APPL2: variants seen among roughly 807,000 people sequenced by gnomAD.
The protein encoded by APPL2 is DCC-interacting protein 13-beta.
APPL2 carries 84 observed loss-of-function variants against 92.7 expected under a neutral mutation model. The observed-to-expected ratio is 0.91, with a 90% CI of 0.76 to 1.09. The LOEUF is 1.09. Among genes scored for constraint, APPL2 ranks in the 50% least tolerant of loss-of-function variants. APPL2 has a pLI of 0.00. For missense variants in APPL2, 736 were observed against 824.5 expected, an observed-to-expected ratio of 0.89 and a Z score of 1.31; for synonymous variants, 291 against 291.0, an observed-to-expected ratio of 1.00 and a Z score of 0.00.
At position 105,183,796 on chromosome 12, in the gene APPL2, G is replaced by A. The variant is rs983669171; in HGVS notation, c.1634+4477C>T. Among the ~76,000 whole-genome samples the A allele has an allele frequency of 1.2e-4, 19 of 152,238 alleles. No homozygotes were observed. The East Asian group carries it at 3.5e-3, about 28-fold the overall frequency. ...TTCTCTGTATTTCCTGAATTTGAAT[G>A]TTGGCTTGTCTTGCTAGGTTGTGGA... On this transcript the variant is annotated intron_variant, in intron 17 of 20. Coordinates refer to ENST00000258530, the MANE Select transcript of APPL2 (RefSeq NM_018171.5).
intron 9 of APPL2, among the ~76,000 whole-genome samples, chr12:105,200,445 G>C (rs761938072): frequency 1.3e-5 from 2 of 152,222 alleles, no homozygotes; most frequent in African/African-American, 4.8e-5. Flanking sequence ...CAGGCCAAGG[G>C]CTGCCCACAC....
intron 4 of APPL2, among the ~76,000 whole-genome samples, chr12:105,212,118 C>CAAAAAAAAAA (rs5800657): frequency 1.4e-5 from 1 of 72,392 alleles, no homozygotes. Flanking sequence ...GACTCCATCT[C>CAAAAAAAAAA]AAAAAAAAAA....
chr12:105,228,324 T>C (rs1356720478), intron 2 of APPL2, among the ~76,000 whole-genome samples: 3 of 152,338 alleles, frequency 2.0e-5, no homozygotes, highest in South Asian at 2.1e-4. Context: ...ATTTCGTTTA[T>C]GTGTCGTGTC....
At chr12:105,186,627 C>CAT (rs369194401) in intron 17 of APPL2, among the ~76,000 whole-genome samples, 6 of 100,262 alleles carry the variant, frequency 6.0e-5, no homozygotes, top group East Asian at 2.5e-4. Flanking sequence ...ATATATATAT[C>CAT]ATATATATCA....
In APPL2 at chr12:105,207,192, C is replaced by T. The variant is rs148334760; in HGVS notation, c.490G>A (p.Gly164Arg). 7.1e-4 allele frequency: 1,153 copies of T among 1,613,402 alleles called. 4 individuals carry two copies. Among genetic ancestry groups the T allele is most frequent in the Admixed American group, 1.6e-3 (93 of 59,814 alleles). ...CGCCGGGCCGCGGCCACCTCTTTTCCGACTTCGGTCTTCACCTGGTTAAAA... is the reference window on the plus strand; with the variant it reads ...CGCCGGGCCGCGGCCACCTCTTTTCTGACTTCGGTCTTCACCTGGTTAAAA... ...KENEKVKTEVGKEVAAARRKQ... is the reference protein window; with the variant it reads ...KENEKVKTEVRKEVAAARRKQ... The change falls in exon 8 of 21, where the codon GGA (glycine) becomes AGA (arginine). Residue 164 changes from glycine (G) to arginine (R), a missense_variant. Coordinates refer to ENST00000258530, the MANE Select transcript of APPL2 (RefSeq NM_018171.5).
chr12:105,207,952 A>G lies in APPL2; in HGVS notation c.474+19T>C. The G allele has an allele frequency of 6.2e-7, 1 of 1,604,650 alleles. No individual in the cohort carries two copies. ...CTTTATGTAAATGAAGTGAAAAACAACATGTAAAGTATTCTTACCTTCTCA... is the reference window on the plus strand; with the variant it reads ...CTTTATGTAAATGAAGTGAAAAACAGCATGTAAAGTATTCTTACCTTCTCA... On this transcript the variant is annotated intron_variant, in intron 7 of 20. Transcript: ENST00000258530.
At position 105,197,936 on chromosome 12, in the gene APPL2, G is replaced by A; in HGVS notation, c.881C>T (p.Thr294Ile). Residue 294 changes from threonine (T) to isoleucine (I), a missense_variant, in exon 11 of 21, where the codon ACC becomes ATC. Thr to Ile is a moderately conservative substitution (Grantham distance 89). Coordinates refer to ENST00000258530, the MANE Select transcript of APPL2 (RefSeq NM_018171.5). ...LNLRNKTGLVTTTWERLYFFT... is the reference protein window; with the variant it reads ...LNLRNKTGLVITTWERLYFFT... ...GAAATAAAGCCTCTCCCAGGTGGTG[G>A]TGACCAGCCCTGTTTTGCTGTGAGT... 1 of 1,614,104 alleles carries A rather than the reference G, an allele frequency of 6.2e-7. No homozygotes were observed.
chr12:105,208,726 C>T (rs533584188), intron 5 of APPL2, among the ~76,000 whole-genome samples: 5 of 152,234 alleles, frequency 3.3e-5, no homozygotes, highest in African/African-American at 1.2e-4. Flanking sequence ...CAAGCCAACA[C>T]CAATAACTAT....
intron 14 of APPL2, 75 bp downstream of exon 14, chr12:105,195,186 A>C: frequency 7.0e-7 from 1 of 1,438,348 alleles, no homozygotes; most frequent in South Asian, 1.2e-5. Flanking sequence ...GTGTGGATTA[A>C]GCAACAACTC....
At chr12:105,224,623 T>A (rs181318530) in intron 2 of APPL2, among the ~76,000 whole-genome samples, 1 of 152,358 alleles carries the variant, frequency 6.6e-6, no homozygotes, top group Non-Finnish European at 1.5e-5. Flanking sequence ...TGTAAGCACA[T>A]ACTATACAAA....
chr12:105,193,457 G>C (rs1256014914), intron 14 of APPL2, among the ~76,000 whole-genome samples: 1 of 152,212 alleles, frequency 6.6e-6, no homozygotes, highest in Non-Finnish European at 1.5e-5. Flanking sequence ...GATATCGTTA[G>C]AACCCATGTC....
intron 4 of APPL2, among the ~76,000 whole-genome samples, chr12:105,213,309 A>C (rs1043052040): frequency 6.6e-6 from 1 of 152,216 alleles, no homozygotes; most frequent in Non-Finnish European, 1.5e-5. Flanking sequence ...CAGGATAATC[A>C]CTGCTAACCA....
chr12:105,236,032 G>C lies in APPL2; in HGVS notation c.-20C>G. On this transcript the variant is annotated 5_prime_UTR_variant, in exon 1 of 21. Coordinates refer to ENST00000258530, the MANE Select transcript of APPL2 (RefSeq NM_018171.5). ...GGGCATGGTGCGGCGCGGCTCAGCCGAGGGCTGGGTTGGAAGGACAGAGGG... is the reference window on the plus strand; with the variant it reads ...GGGCATGGTGCGGCGCGGCTCAGCCCAGGGCTGGGTTGGAAGGACAGAGGG... 8.1e-7 allele frequency: 1 copy of C among 1,240,546 alleles called. No individual in the cohort carries two copies. Among genetic ancestry groups the C allele is most frequent in the Non-Finnish European group, 1.0e-6 (1 of 985,348 alleles). The allele number at this position is 1,240,546 out of a possible 1,614,324, so 76.8% of individuals were successfully genotyped here. A position where few individuals can be genotyped will look rare whatever the true frequency, so the allele number is the denominator to read the frequency against.
At chr12:105,223,548 C>T (rs898273228) in intron 2 of APPL2, among the ~76,000 whole-genome samples, 10 of 152,090 alleles carry the variant, frequency 6.6e-5, no homozygotes, top group African/African-American at 1.9e-4. Context: ...AGATGTTGCC[C>T]ATGGGCAGAG....
intron 11 of APPL2, 118 bp downstream of exon 11, chr12:105,197,645 AAT>A: frequency 7.9e-7 from 1 of 1,258,438 alleles, no homozygotes; most frequent in Non-Finnish European, 1.1e-6. Context: ...AAAGGTCAAC[AAT>A]ACCCAGATTG....
chr12:105,199,126 C>T (rs1455245056), intron 10 of APPL2, among the ~76,000 whole-genome samples: 3 of 152,148 alleles, frequency 2.0e-5, no homozygotes, highest in African/African-American at 7.2e-5. Context: ...CACATGGCCA[C>T]AGTGACCAGA....
chr12:105,179,174 C>T (rs1377075136), intron 17 of APPL2, among the ~76,000 whole-genome samples: 2 of 152,128 alleles, frequency 1.3e-5, no homozygotes, highest in African/African-American at 4.8e-5. Flanking sequence ...GTGTGATGTT[C>T]CCCTTCCTGT....
chr12:105,208,240 T>C, intron 5 of APPL2, 41 bp from the exon 6 acceptor site: 1 of 1,609,212 alleles, frequency 6.2e-7, no homozygotes, highest in Non-Finnish European at 8.5e-7. Context: ...CAATGAAAAA[T>C]AAAACATGCC....
intron 5 of APPL2, among the ~76,000 whole-genome samples, chr12:105,210,976 G>A (rs113823232): frequency 1.7e-3 from 255 of 152,204 alleles, no homozygotes; most frequent in African/African-American, 5.7e-3. Context: ...ACTCCTGTGC[G>A]TCTCTGTCCT....
Sources: gnomAD v4.1 joint callset for allele counts (sites outside exome capture counted in the v4.1 genomes callset) on GRCh38, gnomAD v4.1.1 for gene constraint, MANE v1.5 for transcripts, NCBI Gene and HGNC (gene_info 2026-07-23, HGNC 2026-07-21) for gene names.